Variants in KNTC1 observed in about 807,000 individuals in gnomAD.
The protein encoded by KNTC1 is kinetochore-associated protein 1.
Under a neutral mutation model 314.4 loss-of-function variants are expected in KNTC1, and 253 were observed. That is an observed-to-expected ratio of 0.80 (90% CI 0.73 to 0.89). The LOEUF is 0.89. Among genes scored for constraint, KNTC1 ranks in the 40% least tolerant of loss-of-function variants. The pLI is 0.00. For synonymous variants in KNTC1, 901 were observed against 901.4 expected (o/e 1.00, Z 0.01); for missense variants, 2,475 against 2,572.9 (o/e 0.96, Z 0.82).
chr12:122,611,508 T>C (rs974747005), intron 53 of KNTC1: 1 of 152,318 alleles, frequency 6.6e-6, no homozygotes, highest in African/African-American at 2.4e-5. Flanking sequence ...ATTCTCTACA[T>C]ATAAAGACTT....
In KNTC1 at chr12:122,590,736, G is replaced by T; in HGVS notation, c.4128+1G>T. 6.2e-7 allele frequency: 1 copy of T among 1,612,578 alleles called. No individual in the cohort carries two copies. Among genetic ancestry groups the T allele is most frequent in the Non-Finnish European group, 8.5e-7 (1 of 1,179,182 alleles). ...ATGGCAGAATTACGACAAAATCTTG[G>T]TATGTCCTAAGGAAGCACACCTTCA... On this transcript the variant is annotated splice_donor_variant, in intron 41 of 63. Coordinates refer to ENST00000333479, the MANE Select transcript of KNTC1 (RefSeq NM_014708.6). LOFTEE classifies it high-confidence loss of function.
At chr12:122,621,495 C>T (rs1009024867) in intron 60 of KNTC1, among the ~76,000 whole-genome samples, 5 of 152,104 alleles carry the variant, frequency 3.3e-5, no homozygotes, top group East Asian at 1.9e-4. Context: ...CCACCACGCC[C>T]GGCTAACTTT....
At chr12:122,568,886 T>C in intron 21 of KNTC1, among the ~76,000 whole-genome samples, 1 of 152,080 alleles carries the variant, frequency 6.6e-6, no homozygotes, top group East Asian at 1.9e-4. Context: ...TGTCTTCTGA[T>C]AATATTAAAT....
intron 2 of KNTC1, among the ~76,000 whole-genome samples, chr12:122,530,548 T>G (rs1961232653): frequency 6.6e-6 from 1 of 151,940 alleles, no homozygotes. Context: ...ACTCCCAGAT[T>G]CAAGTGATTC....
chr12:122,601,877 C>A (rs925857725), intron 45 of KNTC1: 1 of 288,190 alleles, frequency 3.5e-6, no homozygotes, highest in Non-Finnish European at 6.3e-6. Flanking sequence ...CTCCTGCTGT[C>A]GAAGAGTATG....
At chr12:122,618,286 AAG>A in intron 57 of KNTC1, 55 bp from the exon 58 acceptor site, 5 of 1,522,822 alleles carry the variant, frequency 3.3e-6, no homozygotes, top group Non-Finnish European at 4.5e-6. Flanking sequence ...CTGCAAATTA[AAG>A]AGAGTTTGTA....
rs61956126 is a variant in KNTC1 at position 122,541,283 on chromosome 12, G to T, written c.446-767G>T. On this transcript the variant is annotated intron_variant, in intron 5 of 63. Transcript: ENST00000333479. ...TGCTTGCCTGCCTGCCTGCCTGCCT[G>T]CCTGCCTTCCTTCCTTCCTTCCTTC... Among the ~76,000 whole-genome samples the T allele has an allele frequency of 4.2e-4, 28 of 66,714 alleles. No homozygotes were observed. In the East Asian group the frequency reaches 6.8e-3, roughly 16 times the overall value. The allele number at this position is 66,714 out of a possible 152,430, so 43.8% of individuals were successfully genotyped here.
chr12:122,617,401 G>C (rs774486617), intron 57 of KNTC1: 1 of 448,600 alleles, frequency 2.2e-6, no homozygotes, highest in African/African-American at 2.0e-5. Flanking sequence ...TTCTTTAAAT[G>C]TATAGAGATG....
chr12:122,624,982 T>G (rs888237011), intron 63 of KNTC1, among the ~76,000 whole-genome samples: 7 of 152,212 alleles, frequency 4.6e-5, no homozygotes, highest in African/African-American at 1.7e-4. Flanking sequence ...TAAGGTGGTG[T>G]TTTTAATATT....
At chr12:122,615,672 A>C in intron 57 of KNTC1, 146 bp downstream of exon 57, 2 of 740,156 alleles carry the variant, frequency 2.7e-6, no homozygotes, top group Non-Finnish European at 4.0e-6. Flanking sequence ...CTGTAACCCC[A>C]ACGCTTTGGG....
intron 1 of KNTC1, among the ~76,000 whole-genome samples, chr12:122,528,079 CA>C (rs150607699): frequency 0.03 from 4,576 of 152,280 alleles, 223 homozygotes; most frequent in African/African-American, 0.1. Context: ...GTGTTCTGTT[CA>C]AGCTATATTC....
In KNTC1 at chr12:122,530,135, A is replaced by C; in HGVS notation, c.72A>C (p.Lys24Asn). 1 of 1,613,754 alleles carries C rather than the reference A, an allele frequency of 6.2e-7. No homozygotes were observed. Among genetic ancestry groups the C allele is most frequent in the African/African-American group, 1.3e-5 (1 of 75,060 alleles). The change falls in exon 2 of 64, where the codon AAA (lysine) becomes AAC (asparagine). Residue 24 changes from lysine to asparagine, a missense_variant. Transcript: ENST00000333479. ...GGTACCTGAGTGTCGGTTCAAGAAA[A>C]GAACATGGAACTGCTTTATATCAAG... ...GSGYLSVGSR[K>N]EHGTALYQVD...
At chr12:122,546,832 ATT>A (rs200482729) in intron 10 of KNTC1, among the ~76,000 whole-genome samples, 158 bp downstream of exon 10, 77 of 137,358 alleles carry the variant, frequency 5.6e-4, no homozygotes, top group Non-Finnish European at 6.8e-4. Context: ...CTGAAATGTA[ATT>A]TTTTTTTTTT....
At chr12:122,534,632 T>A in intron 2 of KNTC1, 32 bp from the exon 3 acceptor site, 1 of 1,570,074 alleles carries the variant, frequency 6.4e-7, no homozygotes, top group East Asian at 2.3e-5. Context: ...ATAAAAATGT[T>A]TGAATTTTCA....
intron 48 of KNTC1, 90 bp from the exon 49 acceptor site, chr12:122,604,474 A>G: frequency 1.4e-6 from 1 of 707,636 alleles, no homozygotes; most frequent in Non-Finnish European, 2.2e-6. Context: ...TAATTTTTAA[A>G]AAGTTGCTAA....
intron 16 of KNTC1, among the ~76,000 whole-genome samples, chr12:122,553,144 A>G (rs1963312906): frequency 6.6e-6 from 1 of 150,654 alleles, no homozygotes; most frequent in Admixed American, 6.6e-5. Flanking sequence ...GCAACACAGC[A>G]AGACTCTGTC....
chr12:122,604,384 T>G (rs1485968997), intron 48 of KNTC1, among the ~76,000 whole-genome samples, 180 bp from the exon 49 acceptor site: 1 of 151,990 alleles, frequency 6.6e-6, no homozygotes, highest in Non-Finnish European at 1.5e-5. Flanking sequence ...TGACCTCAGG[T>G]GATCCACTTG....
Position 122,620,553 on chromosome 12 carries a change from C to T in KNTC1, c.6224C>T (p.Ala2075Val), listed in dbSNP as rs752304640. Residue 2075 changes from alanine (A) to valine (V), a missense_variant, in exon 60 of 64, where the codon GCA (alanine) becomes GTA (valine). Physicochemically the swap from Ala to Val is moderately conservative, Grantham distance 64 (BLOSUM62 0). Transcript: ENST00000333479. ...ATCCAGTTAGAACTTCCGGCTTTTG[C>T]ATTAGCTTGTCTGATGCTCATGCCC... The part of the protein sequence containing the change: ...QYIQLELPAF[A>V]LACLMLMPHS... 6.2e-7 allele frequency: 1 copy of T among 1,613,646 alleles called. No homozygotes were observed. Among genetic ancestry groups the T allele is most frequent in the Non-Finnish European group, 8.5e-7 (1 of 1,179,678 alleles).
chr12:122,602,995 T>C, intron 47 of KNTC1, 32 bp from the exon 48 acceptor site: 1 of 1,589,564 alleles, frequency 6.3e-7, no homozygotes, highest in South Asian at 1.1e-5. Flanking sequence ...TGTGAATATG[T>C]GCTTCAGCCA....
Sources: gnomAD v4.1 joint callset for allele counts (sites outside exome capture counted in the v4.1 genomes callset) on GRCh38, gnomAD v4.1.1 for gene constraint, MANE v1.5 for transcripts, NCBI Gene and HGNC (gene_info 2026-07-23, HGNC 2026-07-21) for gene names.